The following FDX2 variants were observed in gnomAD, a reference collection of about 807,000 sequenced individuals.
The protein encoded by FDX2 is ferredoxin-2, mitochondrial.
In FDX2, 13 loss-of-function variants were observed where a neutral mutation model predicts 18.5. That is an observed-to-expected ratio of 0.70 (90% CI 0.46 to 1.12). The LOEUF (loss-of-function observed/expected upper bound fraction) is 1.12, where lower values mean the gene tolerates loss of function less well. FDX2 is among the 50% of genes most tolerant of loss of function. The pLI, the probability that FDX2 is intolerant of heterozygous loss-of-function variation, is 0.00. For synonymous variants in FDX2, 132 were observed against 106.2 expected (o/e 1.24, Z -1.49); for missense variants, 238 against 250.4 (o/e 0.95, Z 0.34).
chr19:10,313,538 G>A (rs1056721496), intron 3 of FDX2, among the ~76,000 whole-genome samples: 3 of 150,888 alleles, frequency 2.0e-5, no homozygotes, highest in African/African-American at 7.3e-5. Context: ...CTTAGACCAG[G>A]TCTACTTAAC....
rs764138913 is a variant in FDX2 at position 10,310,944 on chromosome 19, G to C, written c.317-4C>G. 6 of 1,608,754 alleles carry C rather than the reference G, an allele frequency of 3.7e-6. No homozygotes were observed. The South Asian group carries it at 4.4e-5, about 12-fold the overall frequency. ...GCCAGGGAGGCTTCACAGGCCCCTAGGGGTGGGAAGTGAAGGGGGCGCAGG... is the reference window on the plus strand; with the variant it reads ...GCCAGGGAGGCTTCACAGGCCCCTACGGGTGGGAAGTGAAGGGGGCGCAGG... On this transcript the variant is annotated splice_polypyrimidine_tract_variant and splice_region_variant and intron_variant, in intron 3 of 4. Transcript: ENST00000393708.
chr19:10,315,319 GTTTTTTTT>G, intron 3 of FDX2, 59 bp downstream of exon 3: 1 of 597,666 alleles, frequency 1.7e-6, no homozygotes. Flanking sequence ...TAATTTGTGG[GTTTTTTTT>G]TTTTTTTTTT....
At position 10,315,929 on chromosome 19, in the gene FDX2, C is replaced by G. The variant is rs901710095; in HGVS notation, c.77G>C (p.Trp26Ser). Reference sequence around the variant, plus strand: ...GGAAGTGCCCCCAGGTCTGTTCCACCAGGTGCCCCTGGCAGCCTGCAGTAG... The same window carrying G: ...GGAAGTGCCCCCAGGTCTGTTCCACGAGGTGCCCCTGGCAGCCTGCAGTAG... Residue 26 changes from tryptophan to serine, a missense_variant, in exon 1 of 5, where the codon TGG (tryptophan) becomes TCG (serine). Trp to Ser is a radical substitution (Grantham distance 177). Transcript: ENST00000393708. The G allele has an allele frequency of 3.1e-6, 5 of 1,610,722 alleles. No homozygotes were observed. The highest frequency in any genetic ancestry group is 3.4e-6 in the Non-Finnish European group (4 of 1,179,136).
chr19:10,311,500 CCA>C (rs1227039430), intron 3 of FDX2, among the ~76,000 whole-genome samples: 1 of 151,054 alleles, frequency 6.6e-6, no homozygotes, highest in Non-Finnish European at 1.5e-5. Context: ...CGGGTTCACG[CCA>C]TTCTCCTGCC....
intron 3 of FDX2, among the ~76,000 whole-genome samples, chr19:10,312,713 A>AT (rs1191497759): frequency 1.3e-5 from 2 of 151,568 alleles, no homozygotes; most frequent in Non-Finnish European, 2.9e-5. Context: ...TTGTTTTTGT[A>AT]TTTTTAGTAG....
chr19:10,310,281 GGCCTGGGGAAGGCCAC>G lies in FDX2; in HGVS notation c.*189_*204del, dbSNP rs1364267843. On this transcript the variant is annotated 3_prime_UTR_variant, in exon 5 of 5. Coordinates refer to ENST00000393708, the MANE Select transcript of FDX2 (RefSeq NM_001031734.4). ...TCCTACTCAAACCCTGATTCTCAGG[GGCCTGGGGAAGGCCAC>G]CCCACTAGGGGCCCTGTCCCCACCA... 5.5e-5 allele frequency: 35 copies of G among 641,470 alleles called. No homozygotes were observed. The highest frequency in any genetic ancestry group is 9.3e-5 in the Non-Finnish European group (35 of 376,336). 39.7% of individuals were successfully genotyped at this position (641,470 alleles called of 1,614,324 possible). A position where few individuals can be genotyped will look rare whatever the true frequency, so the allele number is the denominator to read the frequency against.
chr19:10,315,622 C>G, intron 2 of FDX2, 83 bp downstream of exon 2: 2 of 1,522,548 alleles, frequency 1.3e-6, no homozygotes, highest in South Asian at 2.4e-5. Context: ...GAAGGGGGAC[C>G]TCGAGATGAA....
At chr19:10,313,771 A>G (rs2040349839) in intron 3 of FDX2, among the ~76,000 whole-genome samples, 2 of 122,030 alleles carry the variant, frequency 1.6e-5, no homozygotes, top group Admixed American at 1.0e-4. Context: ...TGCAAGCTCC[A>G]CCTCCCGGGT....
rs60538704 is a variant in FDX2 at position 10,312,172 on chromosome 19, A to ATTTT, written c.317-1236_317-1233dup. 8.6e-3 allele frequency among the ~76,000 whole-genome samples: 707 copies of ATTTT among 82,556 alleles called. 4 individuals are homozygous for ATTTT. Among genetic ancestry groups the ATTTT allele is most frequent in the Non-Finnish European group, 9.9e-3 (442 of 44,842 alleles). 54.2% of individuals were successfully genotyped at this position (82,556 alleles called of 152,430 possible). A position where few individuals can be genotyped will look rare whatever the true frequency, so the allele number is the denominator to read the frequency against. On this transcript the variant is annotated intron_variant, in intron 3 of 4. Coordinates refer to ENST00000393708, the MANE Select transcript of FDX2 (RefSeq NM_001031734.4). ...GGTGTGAGCCACCGCACCTGGCCAT[A>ATTTT]TTTTTTTTTTTTTTTTTTTTTTTTG...
At chr19:10,310,749 G>T (rs776583520) in intron 4 of FDX2, 104 bp downstream of exon 4, 24 of 1,467,668 alleles carry the variant, frequency 1.6e-5, no homozygotes, top group Admixed American at 1.1e-4. Context: ...GGGTAGTGGT[G>T]GGGGAGGCAG....
chr19:10,312,994 C>T (rs1034483253), intron 3 of FDX2, among the ~76,000 whole-genome samples: 7 of 152,068 alleles, frequency 4.6e-5, no homozygotes, highest in South Asian at 4.1e-4. Context: ...AAAACTTAGC[C>T]GGGCATGGTG....
At position 10,315,825 on chromosome 19, in the gene FDX2, G is replaced by T. The variant is rs778252131; in HGVS notation, c.154+27C>A. 5 of 1,598,770 alleles carry T rather than the reference G, an allele frequency of 3.1e-6. No individual in the cohort carries two copies. The East Asian group carries it at 1.1e-4, about 36-fold the overall frequency. ...CCCCGCCGGCATCTGACGGATTAACGCTGCCCGCCCCGGGCGCCCCAGGTA... is the reference window on the plus strand; with the variant it reads ...CCCCGCCGGCATCTGACGGATTAACTCTGCCCGCCCCGGGCGCCCCAGGTA... On this transcript the variant is annotated intron_variant, in intron 1 of 4. Coordinates refer to ENST00000393708, the MANE Select transcript of FDX2 (RefSeq NM_001031734.4).
rs777234985 is a variant in FDX2 at position 10,315,483 on chromosome 19, C to T, written c.219G>A (p.Val73=). The T allele has an allele frequency of 2.5e-6, 4 of 1,613,660 alleles. No homozygotes were observed. In the East Asian group the frequency reaches 6.7e-5, roughly 27 times the overall value. Residue 73 remains valine (V), a synonymous_variant, in exon 3 of 5, where the codon GTG becomes GTA. Coordinates refer to ENST00000393708, the MANE Select transcript of FDX2 (RefSeq NM_001031734.4). ...GCTGGCCTGAGCGGTCTACGAACAC[C>T]ACGTTCACCCTGGGGACAGATGGAA...
intron 3 of FDX2, among the ~76,000 whole-genome samples, chr19:10,312,119 C>T (rs953280317): frequency 6.6e-6 from 1 of 150,884 alleles, no homozygotes; most frequent in Non-Finnish European, 1.5e-5. Flanking sequence ...ATCCACCTAT[C>T]TCGGCCTCCC....
chr19:10,313,875 G>A (rs554407091), intron 3 of FDX2, among the ~76,000 whole-genome samples: 3 of 149,992 alleles, frequency 2.0e-5, no homozygotes, highest in East Asian at 1.9e-4. Flanking sequence ...TATTAGAGAC[G>A]GGGTTTCACC....
Position 10,310,428 on chromosome 19 carries a change from T to C in FDX2, c.*58A>G. On this transcript the variant is annotated 3_prime_UTR_variant, in exon 5 of 5. Coordinates refer to ENST00000393708, the MANE Select transcript of FDX2 (RefSeq NM_001031734.4). ...ACTCTGGGCAGGGCTGGCACCTGGC[T>C]ATTCCCTCAATCTGGGCCCTGGGGC... 1 of 1,610,360 alleles carries C rather than the reference T, an allele frequency of 6.2e-7. No homozygotes were observed. Among genetic ancestry groups the C allele is most frequent in the Non-Finnish European group, 8.5e-7 (1 of 1,177,254 alleles).
intron 3 of FDX2, among the ~76,000 whole-genome samples, chr19:10,313,122 A>G (rs2040340208): frequency 6.6e-6 from 1 of 152,176 alleles, no homozygotes; most frequent in Non-Finnish European, 1.5e-5. Context: ...TGGGTGATAG[A>G]GCGAGACTCT....
intron 1 of FDX2, 45 bp downstream of exon 1, chr19:10,315,807 G>C: frequency 6.3e-7 from 1 of 1,598,844 alleles, no homozygotes; most frequent in Non-Finnish European, 8.5e-7. Flanking sequence ...CCGCCCCGCC[G>C]GCATCTGACG....
At chr19:10,315,326 T>TG (rs1339745648) in intron 3 of FDX2, 60 bp downstream of exon 3, 3 of 1,006,796 alleles carry the variant, frequency 3.0e-6, no homozygotes, top group African/African-American at 1.7e-5. Context: ...TGGGTTTTTT[T>TG]TTTTTTTTTT....
Sources: allele counts gnomAD v4.1 joint callset (sites outside exome capture counted in the v4.1 genomes callset), GRCh38; gene constraint gnomAD v4.1.1; transcripts MANE v1.5; gene names NCBI Gene and HGNC (gene_info 2026-07-23, HGNC 2026-07-21).